The following PTBP2 variants were observed in gnomAD, a reference collection of about 807,000 sequenced individuals.
PTBP2 encodes polypyrimidine tract-binding protein 2.
A neutral mutation model predicts 61.4 loss-of-function variants in PTBP2; 13 were observed. The ratio of observed to expected loss-of-function variants is 0.21; its 90% CI spans 0.14 to 0.34. PTBP2 has a LOEUF of 0.34. Among genes scored for constraint, PTBP2 ranks in the 10% least tolerant of loss-of-function variants. PTBP2 has a pLI of 1.00. For missense variants in PTBP2, 405 were observed against 642.6 expected (o/e 0.63, Z 4.00); for synonymous variants, 215 against 218.5 (o/e 0.98, Z 0.14).
At chr1:96,757,245 G>A (rs1655261969) in intron 3 of PTBP2, among the ~76,000 whole-genome samples, 1 of 152,124 alleles carries the variant, frequency 6.6e-6, no homozygotes, top group African/African-American at 2.4e-5. Flanking sequence ...TCAAGATGCA[G>A]GTTGAAAGTA....
intron 7 of PTBP2, among the ~76,000 whole-genome samples, chr1:96,781,436 C>T (rs1658656215): frequency 6.6e-6 from 1 of 151,954 alleles, no homozygotes; most frequent in South Asian, 2.1e-4. Context: ...CTCCATTCTC[C>T]TCTCATGCCT....
Position 96,813,498 on chromosome 1 carries a change from TTTTG to T in PTBP2, c.*97_*100del, listed in dbSNP as rs1662267134. ...AAAGTGGGGACCAGAGTTTGATTTTTTTTGTTTTTGTTTTTTTGGGGTTTCTTTT... is the reference window on the plus strand; with the variant it reads ...AAAGTGGGGACCAGAGTTTGATTTTTTTTTTGTTTTTTTGGGGTTTCTTTT... On this transcript the variant is annotated 3_prime_UTR_variant, in exon 14 of 14. Transcript: ENST00000674951. 2 of 1,262,838 alleles carry T rather than the reference TTTTG, an allele frequency of 1.6e-6. No individual in the cohort carries two copies. Among genetic ancestry groups the T allele is most frequent in the Non-Finnish European group, 2.1e-6 (2 of 951,768 alleles). The allele number at this position is 1,262,838 out of a possible 1,614,324, so 78.2% of individuals were successfully genotyped here.
chr1:96,738,796 T>A (rs1652582471), intron 2 of PTBP2, among the ~76,000 whole-genome samples: 1 of 152,216 alleles, frequency 6.6e-6, no homozygotes, highest in Non-Finnish European at 1.5e-5. Flanking sequence ...AATGGACACT[T>A]CTAATGTAGG....
At position 96,775,189 on chromosome 1, in the gene PTBP2, A is replaced by C. The variant is rs147351372; in HGVS notation, c.433-2396A>C. Among the ~76,000 whole-genome samples the C allele has an allele frequency of 6.6e-5, 10 of 152,352 alleles. No homozygotes were observed. In the East Asian group the frequency reaches 1.5e-3, roughly 23 times the overall value. On this transcript the variant is annotated intron_variant, in intron 5 of 13. Transcript: ENST00000674951. Reference sequence around the variant, plus strand: ...AACCAGAGTGGCTAAAATTAAAAGGATAGGTAATAAAATACTGGTGACAAC... The same window carrying C: ...AACCAGAGTGGCTAAAATTAAAAGGCTAGGTAATAAAATACTGGTGACAAC...
chr1:96,791,765 C>A (rs1029264264), intron 8 of PTBP2, among the ~76,000 whole-genome samples: 1 of 150,582 alleles, frequency 6.6e-6, no homozygotes, highest in African/African-American at 2.4e-5. Flanking sequence ...CTAGGAATAG[C>A]TCAAAAATTA....
chr1:96,783,241 T>C (rs1221615755), intron 7 of PTBP2, among the ~76,000 whole-genome samples: 1 of 152,060 alleles, frequency 6.6e-6, no homozygotes. Flanking sequence ...ATTTTTGCTC[T>C]CATACACCCT....
rs551488524 is a variant in PTBP2 at position 96,813,139 on chromosome 1, C to A, written c.1466+33C>A. The A allele has an allele frequency of 8.3e-6, 13 of 1,566,468 alleles. No homozygotes were observed. The Admixed American group carries it at 9.6e-5, about 12-fold the overall frequency. On this transcript the variant is annotated intron_variant, in intron 13 of 13. Coordinates refer to ENST00000674951, the MANE Select transcript of PTBP2 (RefSeq NM_021190.4). The stretch of plus-strand genomic sequence containing the variant: ...AGCTTCCTTATCTTTAAATTAGTGA[C>A]CTGATAAAATTTTTAAGTAGTTTTT...
chr1:96,803,695 A>G (rs950224147), intron 8 of PTBP2, among the ~76,000 whole-genome samples: 1 of 152,174 alleles, frequency 6.6e-6, no homozygotes, highest in South Asian at 2.1e-4. Flanking sequence ...TAAGATCTCT[A>G]AAACCAAAGG....
At chr1:96,818,311 A>G (rs1173256261), downstream of PTBP2, 2 of 152,110 alleles carry the variant, frequency 1.3e-5, no homozygotes, top group Non-Finnish European at 2.9e-5. Flanking sequence ...AAGAATATTT[A>G]ACAAACCCTT....
At chr1:96,762,399 AC>A (rs1189163200) in intron 3 of PTBP2, among the ~76,000 whole-genome samples, 2 of 124,468 alleles carry the variant, frequency 1.6e-5, no homozygotes, top group South Asian at 2.7e-4. Flanking sequence ...CGGGGGGCTG[AC>A]CCCCCCACCT....
intron 2 of PTBP2, among the ~76,000 whole-genome samples, chr1:96,733,929 T>G (rs1313072422): frequency 6.6e-6 from 1 of 152,182 alleles, no homozygotes; most frequent in Non-Finnish European, 1.5e-5. Context: ...GTGCTATGAA[T>G]TAGAATCCTG....
At chr1:96,748,433 C>T (rs1654121825) in intron 2 of PTBP2, among the ~76,000 whole-genome samples, 1 of 137,180 alleles carries the variant, frequency 7.3e-6, no homozygotes, top group Non-Finnish European at 1.7e-5. Flanking sequence ...CTTGCTTTTG[C>T]ACATTTTTTT....
In PTBP2 at chr1:96,747,785, T is replaced by TCC. The variant is rs139478102; in HGVS notation, c.40-3638_40-3637dup. 5.8e-3 allele frequency among the ~76,000 whole-genome samples: 887 copies of TCC among 152,272 alleles called. 27 individuals are homozygous for TCC. In the East Asian group the frequency reaches 0.071, roughly 12 times the overall value. ...TTCTTTCATATTGTTGCTTCACTGATCCCTAGGCTTTTGTTCTTGGCTATG... is the reference window on the plus strand; with the variant it reads ...TTCTTTCATATTGTTGCTTCACTGATCCCCCTAGGCTTTTGTTCTTGGCTATG... On this transcript the variant is annotated intron_variant, in intron 2 of 13. Coordinates refer to ENST00000674951, the MANE Select transcript of PTBP2 (RefSeq NM_021190.4).
intron 2 of PTBP2, among the ~76,000 whole-genome samples, chr1:96,727,663 C>T (rs1027256465): frequency 4.6e-5 from 7 of 152,052 alleles, no homozygotes; most frequent in Middle Eastern, 3.4e-3. Context: ...GACATCTTTT[C>T]GTGTGCTTTT....
At position 96,806,971 on chromosome 1, in the gene PTBP2, T is replaced by TTTA; in HGVS notation, c.1171+13_1171+14insTTA. 6.4e-7 allele frequency: 1 copy of TTTA among 1,566,436 alleles called. No homozygotes were observed. The highest frequency in any genetic ancestry group is 8.7e-7 in the Non-Finnish European group (1 of 1,144,012). On this transcript the variant is annotated intron_variant, in intron 11 of 13. Coordinates refer to ENST00000674951, the MANE Select transcript of PTBP2 (RefSeq NM_021190.4). ...CAATCACAACTTGGTAAGATTAAACTATGTTTTATCTATACATCTTCACTT... is the reference window on the plus strand; with the variant it reads ...CAATCACAACTTGGTAAGATTAAACTTTAATGTTTTATCTATACATCTTCACTT...
At chr1:96,774,515 A>G (rs1392409266) in intron 5 of PTBP2, among the ~76,000 whole-genome samples, 2 of 152,230 alleles carry the variant, frequency 1.3e-5, no homozygotes, top group Middle Eastern at 3.2e-3. Context: ...ATAATAGAAG[A>G]CATGCAAATG....
chr1:96,811,774 C>T (rs1662110389), intron 11 of PTBP2, among the ~76,000 whole-genome samples: 1 of 152,142 alleles, frequency 6.6e-6, no homozygotes, highest in South Asian at 2.1e-4. Flanking sequence ...TCAGTTTAGC[C>T]AAAGTGCATG....
At chr1:96,728,753 T>G (rs908814057) in intron 2 of PTBP2, among the ~76,000 whole-genome samples, 6 of 151,998 alleles carry the variant, frequency 3.9e-5, no homozygotes, top group African/African-American at 1.2e-4. Flanking sequence ...AGAGCAAATT[T>G]GGGGAAAATT....
chr1:96,725,180 G>T (rs1192050429), intron 2 of PTBP2, among the ~76,000 whole-genome samples: 1 of 152,198 alleles, frequency 6.6e-6, no homozygotes, highest in African/African-American at 2.4e-5. Flanking sequence ...ATACAAGTGT[G>T]AGTTGTCGAC....
Sources: allele counts gnomAD v4.1 joint callset (sites outside exome capture counted in the v4.1 genomes callset), GRCh38; gene constraint gnomAD v4.1.1; transcripts MANE v1.5; gene names NCBI Gene and HGNC (gene_info 2026-07-23, HGNC 2026-07-21).